CCSER1: variants seen among roughly 807,000 people sequenced by gnomAD.
The protein encoded by CCSER1 is coiled-coil serine rich protein 1.
In CCSER1, 41 loss-of-function variants were observed where a neutral mutation model predicts 82.0. The observed-to-expected ratio is 0.50, with a 90% confidence interval of 0.39 to 0.65. The LOEUF is 0.65. Ranked by LOEUF, CCSER1 falls within the 30% of genes least tolerant of loss-of-function variation. CCSER1 has a pLI of 0.00. For missense variants in CCSER1, 1,119 were observed against 1,064.2 expected, an observed-to-expected ratio of 1.05 and a Z score of -0.72; for synonymous variants, 414 against 383.9, an observed-to-expected ratio of 1.08 and a Z score of -0.92.
intron 9 of CCSER1, among the ~76,000 whole-genome samples, chr4:90,991,529 G>T (rs967381127): frequency 1.3e-5 from 2 of 151,840 alleles, no homozygotes; most frequent in African/African-American, 4.8e-5. Context: ...TCTTCACAAG[G>T]CTGTCTTCTC....
intron 10 of CCSER1, among the ~76,000 whole-genome samples, chr4:91,323,590 G>A (rs767663887): frequency 1.4e-4 from 22 of 151,992 alleles, no homozygotes; most frequent in Middle Eastern, 3.2e-3. Context: ...AAGATACATA[G>A]GTTAAGATAT....
intron 1 of CCSER1, among the ~76,000 whole-genome samples, chr4:90,247,716 T>G (rs573305266): frequency 2.0e-5 from 3 of 151,986 alleles, no homozygotes; most frequent in Non-Finnish European, 4.4e-5. Flanking sequence ...ATATAATAAA[T>G]TACGTATTTA....
At chr4:91,103,851 G>A (rs969211534) in intron 10 of CCSER1, among the ~76,000 whole-genome samples, 5 of 152,198 alleles carry the variant, frequency 3.3e-5, no homozygotes, top group African/African-American at 4.8e-5. Flanking sequence ...GACTGCCTGC[G>A]GGGTCGGGCA....
At chr4:91,356,665 C>T (rs1486068403) in intron 10 of CCSER1, among the ~76,000 whole-genome samples, 1 of 152,184 alleles carries the variant, frequency 6.6e-6, no homozygotes, top group African/African-American at 2.4e-5. Flanking sequence ...CACAAATCCA[C>T]TCGGGGATGA....
chr4:90,295,482 A>T (rs990308819), intron 1 of CCSER1, among the ~76,000 whole-genome samples: 2 of 151,460 alleles, frequency 1.3e-5, no homozygotes, highest in African/African-American at 4.9e-5. Context: ...GCTCCCTTTT[A>T]TTCTTTGTGT....
At chr4:91,504,371 A>G (rs1759375588) in intron 10 of CCSER1, among the ~76,000 whole-genome samples, 1 of 152,116 alleles carries the variant, frequency 6.6e-6, no homozygotes. Flanking sequence ...AAATTCTAAA[A>G]TTTCCTAAGT....
intron 2 of CCSER1, among the ~76,000 whole-genome samples, chr4:90,311,483 T>C (rs756866996): frequency 1.3e-5 from 2 of 152,188 alleles, no homozygotes; most frequent in African/African-American, 2.4e-5. Context: ...TAAACTATCC[T>C]TTAGTTTTTG....
At chr4:90,360,574 C>T (rs947879820) in intron 3 of CCSER1, among the ~76,000 whole-genome samples, 13 of 92,438 alleles carry the variant, frequency 1.4e-4, no homozygotes, top group East Asian at 3.4e-4. Flanking sequence ...AGCGAGACTC[C>T]GTCTCAAAAA....
At chr4:91,168,709 C>T (rs1048917263) in intron 10 of CCSER1, among the ~76,000 whole-genome samples, 5 of 152,230 alleles carry the variant, frequency 3.3e-5, no homozygotes, top group South Asian at 4.1e-4. Context: ...GAAGAGACAG[C>T]GACCATCGAG....
chr4:91,244,167 A>G (rs937029379), intron 10 of CCSER1, among the ~76,000 whole-genome samples: 15 of 152,178 alleles, frequency 9.9e-5, no homozygotes, highest in African/African-American at 3.1e-4. Flanking sequence ...CCCCAAAGAG[A>G]GGCTCCTATG....
intron 10 of CCSER1, among the ~76,000 whole-genome samples, chr4:91,187,510 A>G (rs1283189660): frequency 6.6e-6 from 1 of 152,114 alleles, no homozygotes; most frequent in Non-Finnish European, 1.5e-5. Context: ...CTGTGAAATA[A>G]AAGTAAATTA....
At chr4:91,039,343 C>T (rs1409094235) in intron 9 of CCSER1, among the ~76,000 whole-genome samples, 3 of 151,996 alleles carry the variant, frequency 2.0e-5, no homozygotes, top group African/African-American at 7.2e-5. Flanking sequence ...GCACCCAGCT[C>T]ATTTCCATAT....
intron 1 of CCSER1, among the ~76,000 whole-genome samples, chr4:90,209,506 C>T (rs1027733345): frequency 6.6e-6 from 1 of 152,070 alleles, no homozygotes; most frequent in African/African-American, 2.4e-5. Context: ...CCCTTTTGAT[C>T]TGCGTATGTC....
intron 10 of CCSER1, among the ~76,000 whole-genome samples, chr4:91,299,600 T>C (rs1744501199): frequency 6.6e-6 from 1 of 152,014 alleles, no homozygotes; most frequent in South Asian, 2.1e-4. Context: ...TCCAGTCTTT[T>C]ATTTGGTACC....
chr4:90,132,564 A>G (rs888498954), intron 1 of CCSER1, among the ~76,000 whole-genome samples: 2 of 152,208 alleles, frequency 1.3e-5, no homozygotes, highest in Non-Finnish European at 2.9e-5. Flanking sequence ...CATTACCAAG[A>G]TATTGTTATC....
intron 8 of CCSER1, among the ~76,000 whole-genome samples, chr4:90,910,394 A>G (rs1581037142): frequency 6.6e-6 from 1 of 152,220 alleles, no homozygotes; most frequent in African/African-American, 2.4e-5. Flanking sequence ...ATTCCTAATG[A>G]TTTCAATCTC....
intron 6 of CCSER1, among the ~76,000 whole-genome samples, chr4:90,699,144 G>A (rs1723237516): frequency 6.6e-6 from 1 of 151,880 alleles, no homozygotes; most frequent in African/African-American, 2.4e-5. Context: ...GGAAAGAAAG[G>A]GCAGCTTAGA....
intron 4 of CCSER1, among the ~76,000 whole-genome samples, chr4:90,415,322 T>A (rs1161037692): frequency 6.6e-6 from 1 of 152,206 alleles, no homozygotes; most frequent in African/African-American, 2.4e-5. Context: ...TATTAACAGT[T>A]CTAAACGGTG....
chr4:90,241,435 A>G (rs1746816185), intron 1 of CCSER1, among the ~76,000 whole-genome samples: 1 of 152,234 alleles, frequency 6.6e-6, no homozygotes, highest in African/African-American at 2.4e-5. Context: ...TATGAACGAC[A>G]GTAACAGCTA....
Sources: gnomAD v4.1 joint callset for allele counts (sites outside exome capture counted in the v4.1 genomes callset) on GRCh38, gnomAD v4.1.1 for gene constraint, MANE v1.5 for transcripts, NCBI Gene and HGNC (gene_info 2026-07-23, HGNC 2026-07-21) for gene names.